The following ANKRD42 variants were observed in gnomAD, a reference collection of about 807,000 sequenced individuals.
ANKRD42 encodes ankyrin repeat domain 42, also known as ankyrin repeat domain-containing protein 42.
ANKRD42 carries 43 observed loss-of-function variants against 51.5 expected under a neutral mutation model. The ratio of observed to expected loss-of-function variants is 0.83; its 90% CI spans 0.65 to 1.08. ANKRD42 has a LOEUF of 1.08. ANKRD42 is among the 50% of genes least tolerant of loss of function. The pLI is 0.00. For synonymous variants in ANKRD42, 203 were observed against 213.0 expected (o/e 0.95, Z 0.41); for missense variants, 608 against 629.3 (o/e 0.97, Z 0.36).
chr11:83,249,307 A>G (rs887214481), downstream of ANKRD42, among the ~76,000 whole-genome samples: 2 of 152,202 alleles, frequency 1.3e-5, no homozygotes, highest in Non-Finnish European at 2.9e-5. Context: ...CCTAGGTTCA[A>G]GTGATCCTCT....
intron 5 of ANKRD42, among the ~76,000 whole-genome samples, chr11:83,212,181 C>G (rs1417799138): frequency 6.6e-6 from 1 of 151,998 alleles, no homozygotes; most frequent in Non-Finnish European, 1.5e-5. Context: ...CCTTCCAGTT[C>G]AAGCGATTCT....
chr11:83,200,609 G>C (rs1468548420), intron 2 of ANKRD42, among the ~76,000 whole-genome samples: 1 of 152,212 alleles, frequency 6.6e-6, no homozygotes, highest in Non-Finnish European at 1.5e-5. Flanking sequence ...GTGAGAACTA[G>C]TCACTAGGTC....
At chr11:83,209,956 T>G (rs1274640846) in intron 3 of ANKRD42, 1 of 363,482 alleles carries the variant, frequency 2.8e-6, no homozygotes, top group Non-Finnish European at 5.0e-6. Flanking sequence ...GTTACAGGGA[T>G]CATGTAAACT....
chr11:83,214,572 C>T lies in ANKRD42; in HGVS notation c.586+3142C>T, dbSNP rs918154272. The T allele has an allele frequency of 4.1e-6, 4 of 981,478 alleles. No homozygotes were observed. The African/African-American group carries it at 5.3e-5, about 13-fold the overall frequency. The allele number at this position is 981,478 out of a possible 1,614,324, so 60.8% of individuals were successfully genotyped here. A position where few individuals can be genotyped will look rare whatever the true frequency, so the allele number is the denominator to read the frequency against. On this transcript the variant is annotated intron_variant, in intron 5 of 10. Transcript: ENST00000533342. ...AGGTCTAGACTGCTTGTGTTCAAAT[C>T]GCTCTCATAAAATTATTTTTTATTG...
intron 8 of ANKRD42, among the ~76,000 whole-genome samples, chr11:83,237,439 G>A (rs146740868): frequency 1.7e-4 from 26 of 152,312 alleles, no homozygotes; most frequent in African/African-American, 6.3e-4. Flanking sequence ...AAGTGTAAAT[G>A]TAAGGAGGAG....
intron 6 of ANKRD42, 52 bp downstream of exon 6, chr11:83,225,107 GATA>G (rs762141742): frequency 2.7e-6 from 4 of 1,460,134 alleles, no homozygotes; most frequent in South Asian, 1.3e-5. Flanking sequence ...TGATGATGAT[GATA>G]ATATAATGAG....
intron 2 of ANKRD42, among the ~76,000 whole-genome samples, chr11:83,201,059 G>T (rs941588748): frequency 2.6e-5 from 4 of 151,844 alleles, no homozygotes; most frequent in East Asian, 1.9e-4. Flanking sequence ...GTATACATAT[G>T]CCATGGTGGT....
intron 5 of ANKRD42, among the ~76,000 whole-genome samples, chr11:83,219,202 C>G (rs1862636946): frequency 6.6e-6 from 1 of 152,228 alleles, no homozygotes; most frequent in Admixed American, 6.5e-5. Context: ...AAGCTCATGG[C>G]TGCTTTTCCT....
chr11:83,232,611 C>G (rs1228865230), intron 7 of ANKRD42, among the ~76,000 whole-genome samples: 1 of 152,112 alleles, frequency 6.6e-6, no homozygotes, highest in Non-Finnish European at 1.5e-5. Flanking sequence ...ATTGCTCTAG[C>G]TGGGACTTCT....
downstream of ANKRD42, among the ~76,000 whole-genome samples, chr11:83,258,668 T>A (rs745986927): frequency 2.0e-4 from 30 of 152,322 alleles, no homozygotes; most frequent in Non-Finnish European, 3.7e-4. Flanking sequence ...TGATAGCTAT[T>A]TTTTTTCAAA....
At position 83,254,841 on chromosome 11, in the gene ANKRD42, C is replaced by T. The variant is rs553488645; in HGVS notation, c.1465-1004C>T. On this transcript the variant is annotated intron_variant, in intron 11 of 11. Transcript: ENST00000260047. ...GTTTGTTATTTTTCTTCAGACTAGC[C>T]GCTAAACTTTTTTTCAAGAGACCAT... is the stretch of plus-strand genomic sequence containing the variant. 9.2e-5 allele frequency among the ~76,000 whole-genome samples: 14 copies of T among 152,220 alleles called. No individual in the cohort carries two copies. The East Asian group carries it at 1.2e-3, about 13-fold the overall frequency.
chr11:83,249,439 A>G (rs78064168), downstream of ANKRD42, among the ~76,000 whole-genome samples: 3,439 of 152,166 alleles, frequency 0.023, 115 homozygotes, highest in African/African-American at 0.071. Context: ...TGCCAAGGCT[A>G]AGTTGTTGTT....
At chr11:83,227,602 T>C in intron 6 of ANKRD42, 145 bp from the exon 7 acceptor site, 1 of 698,370 alleles carries the variant, frequency 1.4e-6, no homozygotes, top group East Asian at 2.9e-5. Context: ...AATTCTCTTT[T>C]TACTGGTAGT....
At chr11:83,246,620 G>A (rs1410727922) in intron 10 of ANKRD42, among the ~76,000 whole-genome samples, 1 of 152,150 alleles carries the variant, frequency 6.6e-6, no homozygotes, top group African/African-American at 2.4e-5. Context: ...ACCACACATG[G>A]ATTCCCTTCT....
intron 8 of ANKRD42, among the ~76,000 whole-genome samples, chr11:83,238,077 A>C (rs548440054): frequency 6.6e-6 from 1 of 152,314 alleles, no homozygotes; most frequent in South Asian, 2.1e-4. Flanking sequence ...AGCTGAGTAG[A>C]ATTCCATAGT....
downstream of ANKRD42, among the ~76,000 whole-genome samples, chr11:83,257,755 C>T (rs1293816859): frequency 2.0e-5 from 3 of 152,160 alleles, no homozygotes; most frequent in Non-Finnish European, 4.4e-5. Context: ...GTTGTACTTG[C>T]TCCAGTTTTC....
intron 7 of ANKRD42, among the ~76,000 whole-genome samples, chr11:83,229,112 GT>G (rs1280359152): frequency 3.3e-5 from 5 of 151,298 alleles, no homozygotes; most frequent in Non-Finnish European, 1.5e-5. Context: ...AGCAGGTTTG[GT>G]TTTTTTTGAG....
chr11:83,232,208 T>G (rs985500917), intron 7 of ANKRD42, among the ~76,000 whole-genome samples: 1 of 152,090 alleles, frequency 6.6e-6, no homozygotes, highest in Non-Finnish European at 1.5e-5. Context: ...TTTAACAATA[T>G]TGATTCTTCC....
intron 7 of ANKRD42, among the ~76,000 whole-genome samples, chr11:83,228,229 C>CT (rs1862952417): frequency 2.4e-5 from 1 of 41,114 alleles, no homozygotes; most frequent in African/African-American, 1.4e-4. Flanking sequence ...CCCTCTCTCT[C>CT]TCTTTTTTTT....
Sources: gnomAD v4.1 joint callset for allele counts (sites outside exome capture counted in the v4.1 genomes callset) on GRCh38, gnomAD v4.1.1 for gene constraint, MANE v1.5 for transcripts, NCBI Gene and HGNC (gene_info 2026-07-23, HGNC 2026-07-21) for gene names.